SH3D19: variants seen among roughly 807,000 people sequenced by gnomAD.
SH3D19 encodes the protein SH3 domain-containing protein 19.
In SH3D19, 58 loss-of-function variants were observed where a neutral mutation model predicts 112.1. The observed-to-expected ratio is 0.52, with a 90% CI of 0.42 to 0.64. The LOEUF is 0.64. Among genes scored for constraint, SH3D19 ranks in the 30% least tolerant of loss-of-function variants. The probability of loss-of-function intolerance (pLI) is 0.00; values close to 1 mark genes in which losing one functional copy is unlikely to be tolerated. For missense variants in SH3D19, 1,090 were observed against 1,263.4 expected, an observed-to-expected ratio of 0.86 and a Z score of 2.08; for synonymous variants, 391 against 448.5, an observed-to-expected ratio of 0.87 and a Z score of 1.62.
At chr4:151,321,574 A>G (rs1347433187) in intron 1 of SH3D19, among the ~76,000 whole-genome samples, 1 of 152,186 alleles carries the variant, frequency 6.6e-6, no homozygotes, top group Non-Finnish European at 1.5e-5. Context: ...AGCCTGTGGA[A>G]ATCTCCATGT....
intron 16 of SH3D19, among the ~76,000 whole-genome samples, chr4:151,132,622 T>A (rs1371334091): frequency 6.6e-6 from 1 of 152,206 alleles, no homozygotes. Context: ...ATAGTTCATT[T>A]CTGTTTAAAA....
At chr4:151,288,663 G>A (rs1474240982) in intron 1 of SH3D19, among the ~76,000 whole-genome samples, 1 of 151,310 alleles carries the variant, frequency 6.6e-6, no homozygotes, top group African/African-American at 2.4e-5. Context: ...AACGAAGCGA[G>A]ACTCTGTCTT....
chr4:151,179,257 T>C (rs775880489), intron 4 of SH3D19, 98 bp downstream of exon 4: 6 of 573,944 alleles, frequency 1.0e-5, no homozygotes, highest in Middle Eastern at 5.3e-4. Context: ...CAAGAATACA[T>C]TGCTTATGAA....
chr4:151,232,859 G>A (rs1172397648), intron 1 of SH3D19, among the ~76,000 whole-genome samples: 1 of 152,132 alleles, frequency 6.6e-6, no homozygotes, highest in Non-Finnish European at 1.5e-5. Flanking sequence ...CAACAAAAAT[G>A]TATTATCTTA....
intron 1 of SH3D19, among the ~76,000 whole-genome samples, chr4:151,237,330 AC>A (rs949641924): frequency 2.4e-4 from 37 of 152,320 alleles, no homozygotes; most frequent in African/African-American, 8.4e-4. Context: ...TAATTCTATC[AC>A]TTATATATCT....
chr4:151,250,696 G>A (rs1361763366), intron 1 of SH3D19, among the ~76,000 whole-genome samples: 1 of 152,158 alleles, frequency 6.6e-6, no homozygotes, highest in East Asian at 1.9e-4. Context: ...AGAAGAAGAG[G>A]AGTCAAACCT....
intron 8 of SH3D19, among the ~76,000 whole-genome samples, chr4:151,159,880 C>T (rs1370840578): frequency 1.3e-5 from 2 of 152,136 alleles, no homozygotes; most frequent in Admixed American, 1.3e-4. Flanking sequence ...CAGTGCTACA[C>T]TAGATAATAT....
At chr4:151,158,435 G>C (rs1186833836) in intron 9 of SH3D19, among the ~76,000 whole-genome samples, 1 of 152,024 alleles carries the variant, frequency 6.6e-6, no homozygotes, top group Non-Finnish European at 1.5e-5. Flanking sequence ...GAGTAGCTGG[G>C]ATTACAGGCA....
At chr4:151,255,485 T>C (rs1170482725) in intron 1 of SH3D19, among the ~76,000 whole-genome samples, 1 of 145,068 alleles carries the variant, frequency 6.9e-6, no homozygotes, top group Non-Finnish European at 1.5e-5. Context: ...CGGGAAGAGG[T>C]GCTTCTCACT....
At chr4:151,131,486 TC>T (rs66873123) in intron 17 of SH3D19, among the ~76,000 whole-genome samples, 12,157 of 146,556 alleles carry the variant, frequency 0.083, 841 homozygotes, top group East Asian at 0.19. Flanking sequence ...ATTCTTTTTT[TC>T]TTTTTTTCTT....
At chr4:151,166,487 G>A (rs1758050161) in intron 7 of SH3D19, among the ~76,000 whole-genome samples, 1 of 147,998 alleles carries the variant, frequency 6.8e-6, no homozygotes, top group Non-Finnish European at 1.5e-5. Context: ...TTGGAAAAAT[G>A]ACTATACTTT....
intron 1 of SH3D19, among the ~76,000 whole-genome samples, chr4:151,276,497 C>T (rs1014583859): frequency 8.5e-5 from 13 of 152,260 alleles, no homozygotes; most frequent in African/African-American, 2.9e-4. Context: ...CCCCTAAGAA[C>T]GCATCCTTCT....
At chr4:151,145,451 T>C (rs1450476389) in intron 11 of SH3D19, among the ~76,000 whole-genome samples, 1 of 152,138 alleles carries the variant, frequency 6.6e-6, no homozygotes, top group Non-Finnish European at 1.5e-5. Flanking sequence ...CTGATCTCCC[T>C]ACCCTGCACC....
chr4:151,257,717 G>A (rs1407159018), intron 1 of SH3D19, among the ~76,000 whole-genome samples: 2 of 152,086 alleles, frequency 1.3e-5, no homozygotes, highest in Non-Finnish European at 2.9e-5. Context: ...TGGAGTTTGA[G>A]AACAGCCTGG....
chr4:151,273,589 C>CAAAA (rs60600816), intron 1 of SH3D19, among the ~76,000 whole-genome samples: 1,118 of 64,360 alleles, frequency 0.017, 63 homozygotes, highest in African/African-American at 0.08. Context: ...GACTCCATCT[C>CAAAA]AAAAAAAAAA....
At position 151,121,191 on chromosome 4, in the gene SH3D19, G is replaced by T. The variant is rs1209637114; in HGVS notation, c.*900C>A. On this transcript the variant is annotated 3_prime_UTR_variant, in exon 20 of 20. Coordinates refer to ENST00000604030, the MANE Select transcript of SH3D19 (RefSeq NM_001378122.1). ...TGTTCTGTATTGTAAGATTTTATAT[G>T]TGATTCATAATGTACTACTATAACA... 1 of 152,586 alleles carries T rather than the reference G, an allele frequency of 6.6e-6. No individual in the cohort carries two copies. Among genetic ancestry groups the T allele is most frequent in the Non-Finnish European group, 1.5e-5 (1 of 68,032 alleles). 9.5% of individuals were successfully genotyped at this position (152,586 alleles called of 1,614,324 possible).
chr4:151,193,309 T>G (rs948045645), intron 2 of SH3D19, among the ~76,000 whole-genome samples: 1 of 152,040 alleles, frequency 6.6e-6, no homozygotes, highest in Admixed American at 6.6e-5. Context: ...TTGATGAGCA[T>G]TTGGTGTTCA....
chr4:151,197,032 T>C (rs184854046), intron 2 of SH3D19, among the ~76,000 whole-genome samples: 46 of 152,270 alleles, frequency 3.0e-4, no homozygotes, highest in African/African-American at 1.1e-3. Context: ...AGGGAACACT[T>C]TGACACTGCT....
At chr4:151,226,359 G>A (rs1769000169) in intron 1 of SH3D19, 3 of 1,101,446 alleles carry the variant, frequency 2.7e-6, no homozygotes, top group Middle Eastern at 4.0e-4. Context: ...GATCTTTCCT[G>A]TGCTAAATAC....
Sources: allele counts gnomAD v4.1 joint callset (sites outside exome capture counted in the v4.1 genomes callset), GRCh38; gene constraint gnomAD v4.1.1; transcripts MANE v1.5; gene names NCBI Gene and HGNC (gene_info 2026-07-23, HGNC 2026-07-21).